EBF1: variants seen among roughly 807,000 people sequenced by gnomAD.
EBF1 encodes the protein EBF transcription factor 1.
EBF1 carries 10 observed loss-of-function variants against 68.4 expected under a neutral mutation model. That is an observed-to-expected ratio of 0.15 (90% CI 0.09 to 0.25). The LOEUF (loss-of-function observed/expected upper bound fraction) is 0.25. Among genes scored for constraint, EBF1 ranks in the 10% least tolerant of loss-of-function variants. The probability of loss-of-function intolerance (pLI) is 1.00; values close to 1 mark genes in which losing one functional copy is unlikely to be tolerated. For missense variants in EBF1, 509 were observed against 794.4 expected (o/e 0.64, Z 4.32); for synonymous variants, 298 against 299.8 (o/e 0.99, Z 0.06).
chr5:158,859,347 G>T (rs1307345583), intron 6 of EBF1, among the ~76,000 whole-genome samples: 1 of 152,044 alleles, frequency 6.6e-6, no homozygotes, highest in Non-Finnish European at 1.5e-5. Context: ...ATCCTTCCAG[G>T]TCTGGTTAAG....
At chr5:159,072,333 A>C (rs1777950596) in intron 6 of EBF1, among the ~76,000 whole-genome samples, 1 of 152,240 alleles carries the variant, frequency 6.6e-6, no homozygotes, top group Non-Finnish European at 1.5e-5. Context: ...TGTTGAAGCG[A>C]AGTAAACATC....
chr5:159,004,005 A>C (rs913319021), intron 6 of EBF1, among the ~76,000 whole-genome samples: 1 of 152,202 alleles, frequency 6.6e-6, no homozygotes, highest in African/African-American at 2.4e-5. Flanking sequence ...GGCTGGGCAC[A>C]GTGCCTCACA....
intron 6 of EBF1, among the ~76,000 whole-genome samples, chr5:159,032,097 G>C (rs1584106702): frequency 6.6e-6 from 1 of 152,180 alleles, no homozygotes; most frequent in East Asian, 1.9e-4. Flanking sequence ...GTCTCAAAAT[G>C]TCCAGTCAAT....
intron 10 of EBF1, among the ~76,000 whole-genome samples, chr5:158,737,200 C>T (rs1765361278): frequency 6.8e-6 from 1 of 146,274 alleles, no homozygotes; most frequent in Non-Finnish European, 1.5e-5. Context: ...ACGAAGCCAA[C>T]ATAGGCAGAA....
In EBF1 at chr5:158,769,651, T is replaced by C. The variant is rs1457416910; in HGVS notation, c.1036+7762A>G. 3.9e-5 allele frequency among the ~76,000 whole-genome samples: 6 copies of C among 151,996 alleles called. No individual in the cohort carries two copies. The East Asian group carries it at 5.8e-4, about 15-fold the overall frequency. On this transcript the variant is annotated intron_variant, in intron 10 of 15. Transcript: ENST00000313708. The stretch of plus-strand genomic sequence containing the variant: ...TTATGACACCAACAGTATTTAACTG[T>C]ACAAATGCCAGCAGATTCAGAATCA...
chr5:159,067,111 TGAG>T (rs1776967823), intron 6 of EBF1, among the ~76,000 whole-genome samples: 1 of 152,082 alleles, frequency 6.6e-6, no homozygotes, highest in Non-Finnish European at 1.5e-5. Flanking sequence ...AATGAGGAAA[TGAG>T]GGGAATTTAT....
chr5:158,697,703 T>C lies in EBF1; in HGVS notation c.*1408A>G, dbSNP rs1373321192. Reference sequence around the variant, plus strand: ...AAATCTTTTTGTGATATTGAAAAAATGTCTTAAGACATTAAAATGTATAAA... The same window carrying C: ...AAATCTTTTTGTGATATTGAAAAAACGTCTTAAGACATTAAAATGTATAAA... On this transcript the variant is annotated 3_prime_UTR_variant, in exon 16 of 16. Coordinates refer to ENST00000313708, the MANE Select transcript of EBF1 (RefSeq NM_024007.5). The C allele has an allele frequency of 4.8e-6, 1 of 207,240 alleles. No homozygotes were observed. The highest frequency in any genetic ancestry group is 2.3e-5 in the African/African-American group (1 of 43,794). 12.8% of individuals were successfully genotyped at this position (207,240 alleles called of 1,614,324 possible).
intron 6 of EBF1, among the ~76,000 whole-genome samples, chr5:158,840,938 TG>T (rs1352347310): frequency 2.0e-5 from 3 of 152,006 alleles, no homozygotes; most frequent in African/African-American, 4.8e-5. Context: ...CCCAAAGTGC[TG>T]GGATTACAGG....
At position 158,988,454 on chromosome 5, in the gene EBF1, C is replaced by T. The variant is rs1170365516; in HGVS notation, c.554+84942G>A. On this transcript the variant is annotated intron_variant, in intron 6 of 15. Coordinates refer to ENST00000313708, the MANE Select transcript of EBF1 (RefSeq NM_024007.5). ...CCACAGCCCCAGAACTGCCTCACAT[C>T]CTCATCTTCCCAACACCTCCTTATT... Among the ~76,000 whole-genome samples the T allele has an allele frequency of 2.0e-5, 3 of 152,170 alleles. No homozygotes were observed. In the East Asian group the frequency reaches 5.8e-4, roughly 29 times the overall value.
chr5:158,881,518 T>G (rs2128089805), intron 6 of EBF1, among the ~76,000 whole-genome samples: 1 of 152,314 alleles, frequency 6.6e-6, no homozygotes, highest in South Asian at 2.1e-4. Flanking sequence ...CTGTCTTTTG[T>G]TTACGATCTG....
intron 6 of EBF1, among the ~76,000 whole-genome samples, chr5:159,050,180 CT>C (rs1773280170): frequency 2.6e-4 from 36 of 136,768 alleles, no homozygotes; most frequent in South Asian, 9.7e-4. Flanking sequence ...CTCTCTCTCT[CT>C]TCTCTCTTTT....
At chr5:158,707,458 G>A (rs1204653816) in intron 15 of EBF1, 3 of 223,674 alleles carry the variant, frequency 1.3e-5, no homozygotes, top group African/African-American at 4.5e-5. Context: ...GGTCTATGAT[G>A]ATCTAACTTC....
chr5:159,037,721 G>C (rs1770364463), intron 6 of EBF1, among the ~76,000 whole-genome samples: 3 of 148,826 alleles, frequency 2.0e-5, no homozygotes, highest in South Asian at 4.4e-4. Context: ...ACGAGTTAGT[G>C]GGTGCAGCAC....
chr5:158,886,874 C>T (rs1163343660), intron 6 of EBF1, among the ~76,000 whole-genome samples: 2 of 152,082 alleles, frequency 1.3e-5, no homozygotes, highest in African/African-American at 2.4e-5. Context: ...TGGCGGCGGG[C>T]ACGTGTAATC....
intron 6 of EBF1, among the ~76,000 whole-genome samples, chr5:158,905,462 G>T (rs1804372542): frequency 6.6e-6 from 1 of 152,152 alleles, no homozygotes; most frequent in Non-Finnish European, 1.5e-5. Flanking sequence ...GATAGCACTG[G>T]ATGAGGATTA....
chr5:158,718,662 G>A (rs375967974), intron 11 of EBF1, among the ~76,000 whole-genome samples: 16 of 152,274 alleles, frequency 1.1e-4, no homozygotes, highest in African/African-American at 2.9e-4. Flanking sequence ...AGTTTCCACC[G>A]CTGACTAGTG....
chr5:158,839,950 A>G, intron 7 of EBF1, 79 bp downstream of exon 7: 3 of 1,415,108 alleles, frequency 2.1e-6, no homozygotes, highest in Non-Finnish European at 3.0e-6. Flanking sequence ...AAAGCTACGT[A>G]TCTTCTGCCT....
chr5:158,735,777 C>T (rs564784185), intron 10 of EBF1, among the ~76,000 whole-genome samples: 11 of 152,158 alleles, frequency 7.2e-5, no homozygotes, highest in African/African-American at 1.9e-4. Flanking sequence ...AGGTTCCTTC[C>T]GGATCTCATC....
At chr5:159,084,831 T>G in intron 4 of EBF1, 92 bp from the exon 5 acceptor site, 1 of 1,089,084 alleles carries the variant, frequency 9.2e-7, no homozygotes, top group Non-Finnish European at 1.3e-6. Context: ...ACTTCACCAC[T>G]ACTGAAGGCC....
Sources: gnomAD v4.1 joint callset for allele counts (sites outside exome capture counted in the v4.1 genomes callset) on GRCh38, gnomAD v4.1.1 for gene constraint, MANE v1.5 for transcripts, NCBI Gene and HGNC (gene_info 2026-07-23, HGNC 2026-07-21) for gene names.